CNTNAP2: variants seen among roughly 807,000 people sequenced by gnomAD.
CNTNAP2 encodes the protein contactin associated protein 2, also known as contactin-associated protein-like 2.
A neutral mutation model predicts 155.2 loss-of-function variants in CNTNAP2; 98 were observed. The observed-to-expected ratio is 0.63, with a 90% confidence interval of 0.54 to 0.75. CNTNAP2 has a LOEUF of 0.75. Among genes scored for constraint, CNTNAP2 ranks in the 30% least tolerant of loss-of-function variants. The probability of loss-of-function intolerance (pLI) is 0.00; values close to 1 mark genes in which losing one functional copy is unlikely to be tolerated. For missense variants in CNTNAP2, 1,727 were observed against 1,688.1 expected, an observed-to-expected ratio of 1.02 and a Z score of -0.40; for synonymous variants, 651 against 631.2, an observed-to-expected ratio of 1.03 and a Z score of -0.47.
At chr7:147,739,689 G>T (rs373470375) in intron 13 of CNTNAP2, among the ~76,000 whole-genome samples, 35 of 152,050 alleles carry the variant, frequency 2.3e-4, no homozygotes, top group African/African-American at 8.0e-4. Flanking sequence ...TGTGGATAGT[G>T]TGTGTTCCTA....
chr7:146,582,234 A>G (rs1237638506), intron 1 of CNTNAP2, among the ~76,000 whole-genome samples: 3 of 152,094 alleles, frequency 2.0e-5, no homozygotes, highest in Non-Finnish European at 4.4e-5. Context: ...CTTTGAGATT[A>G]TATTTTCACA....
chr7:147,775,380 TA>T lies in CNTNAP2; in HGVS notation c.2099-128184del, dbSNP rs1797566739. On this transcript the variant is annotated intron_variant, in intron 13 of 23. Transcript: ENST00000361727. Reference sequence around the variant, plus strand: ...ATATTTATAAATATATATATATTTATATATATTTATAAATATATATATTTAT... The same window carrying T: ...ATATTTATAAATATATATATATTTATTATATTTATAAATATATATATTTAT... Among the ~76,000 whole-genome samples the T allele has an allele frequency of 2.0e-5, 2 of 100,994 alleles. 1 individual carries two copies. The highest frequency in any genetic ancestry group is 8.6e-5 in the African/African-American group (2 of 23,216). 66.3% of individuals were successfully genotyped at this position (100,994 alleles called of 152,430 possible).
At chr7:147,511,970 C>T (rs889728934) in intron 11 of CNTNAP2, among the ~76,000 whole-genome samples, 12 of 152,152 alleles carry the variant, frequency 7.9e-5, no homozygotes, top group African/African-American at 2.9e-4. Context: ...GTTTTTATCA[C>T]ACTCAGTGGC....
chr7:146,164,822 T>G (rs1024463986), intron 1 of CNTNAP2, among the ~76,000 whole-genome samples: 8 of 152,176 alleles, frequency 5.3e-5, no homozygotes, highest in African/African-American at 1.7e-4. Context: ...AAAGACAATT[T>G]GTGTTTAGAT....
chr7:146,187,395 G>A (rs1368286424), intron 1 of CNTNAP2, among the ~76,000 whole-genome samples: 1 of 152,126 alleles, frequency 6.6e-6, no homozygotes, highest in Non-Finnish European at 1.5e-5. Context: ...ACTGAGAGCC[G>A]AAGAAGAGAA....
intron 3 of CNTNAP2, among the ~76,000 whole-genome samples, chr7:146,977,725 A>G (rs1285127531): frequency 6.6e-6 from 1 of 152,200 alleles, no homozygotes; most frequent in African/African-American, 2.4e-5. Flanking sequence ...TTTTAAATTT[A>G]TGTATGTATT....
chr7:147,255,275 G>A (rs1377285470), intron 8 of CNTNAP2, among the ~76,000 whole-genome samples: 1 of 152,086 alleles, frequency 6.6e-6, no homozygotes, highest in Non-Finnish European at 1.5e-5. Flanking sequence ...AGGCTGAAGT[G>A]CAGTAGTGGA....
intron 13 of CNTNAP2, among the ~76,000 whole-genome samples, chr7:147,713,485 C>T (rs1796433632): frequency 1.3e-5 from 2 of 152,020 alleles, no homozygotes; most frequent in Non-Finnish European, 2.9e-5. Context: ...GTAGTACATT[C>T]CTTTGTATTT....
At chr7:146,731,452 T>C (rs1801524498) in intron 1 of CNTNAP2, among the ~76,000 whole-genome samples, 1 of 152,112 alleles carries the variant, frequency 6.6e-6, no homozygotes, top group Admixed American at 6.5e-5. Flanking sequence ...GTTTTTTATT[T>C]CCATCAAGTT....
At chr7:147,363,525 C>T (rs1353590961) in intron 9 of CNTNAP2, among the ~76,000 whole-genome samples, 3 of 152,116 alleles carry the variant, frequency 2.0e-5, no homozygotes, top group Non-Finnish European at 2.9e-5. Context: ...TTTTCTTGTA[C>T]ACATTCTTTT....
intron 1 of CNTNAP2, among the ~76,000 whole-genome samples, chr7:146,267,492 C>T (rs1800014744): frequency 6.6e-6 from 1 of 152,094 alleles, no homozygotes; most frequent in South Asian, 2.1e-4. Context: ...GTGTCCCCAA[C>T]ATTTATATCT....
chr7:146,346,110 C>T (rs933789319), intron 1 of CNTNAP2, among the ~76,000 whole-genome samples: 14 of 152,092 alleles, frequency 9.2e-5, no homozygotes, highest in African/African-American at 2.7e-4. Context: ...ATAGTAAAAA[C>T]GATAAAGAAC....
At chr7:146,372,681 A>G (rs2129102984) in intron 1 of CNTNAP2, among the ~76,000 whole-genome samples, 1 of 152,270 alleles carries the variant, frequency 6.6e-6, no homozygotes, top group East Asian at 1.9e-4. Context: ...CTAAATGAAG[A>G]CCAGGAGTGA....
intron 17 of CNTNAP2, among the ~76,000 whole-genome samples, chr7:148,160,039 G>A (rs1805488834): frequency 6.6e-6 from 1 of 152,100 alleles, no homozygotes; most frequent in Non-Finnish European, 1.5e-5. Flanking sequence ...AGGAGTTCAG[G>A]ACCAGCCCGG....
chr7:148,343,824 C>G (rs541633809), intron 21 of CNTNAP2, among the ~76,000 whole-genome samples: 1 of 152,142 alleles, frequency 6.6e-6, no homozygotes, highest in Non-Finnish European at 1.5e-5. Context: ...AACATGAGTT[C>G]CCCGGAATCA....
intron 13 of CNTNAP2, among the ~76,000 whole-genome samples, chr7:147,683,513 A>G (rs1395320607): frequency 6.6e-6 from 1 of 151,840 alleles, no homozygotes; most frequent in African/African-American, 2.4e-5. Flanking sequence ...ACTTTAATCA[A>G]TATTTCATTA....
intron 2 of CNTNAP2, among the ~76,000 whole-genome samples, chr7:146,790,045 C>A (rs1261364184): frequency 6.6e-6 from 1 of 151,964 alleles, no homozygotes; most frequent in Non-Finnish European, 1.5e-5. Context: ...TTTTGCCTTT[C>A]ATTTTGTTGT....
intron 1 of CNTNAP2, among the ~76,000 whole-genome samples, chr7:146,252,789 G>T (rs1419645457): frequency 6.6e-6 from 1 of 152,148 alleles, no homozygotes; most frequent in East Asian, 1.9e-4. Context: ...CCATAACAAA[G>T]TGTCAACGGG....
At chr7:148,309,629 A>G (rs1335575928) in intron 21 of CNTNAP2, among the ~76,000 whole-genome samples, 1 of 152,116 alleles carries the variant, frequency 6.6e-6, no homozygotes, top group Non-Finnish European at 1.5e-5. Context: ...CAGGGTGCTC[A>G]GTAGGGGAGC....
Sources: gnomAD v4.1 joint callset for allele counts (sites outside exome capture counted in the v4.1 genomes callset) on GRCh38, gnomAD v4.1.1 for gene constraint, MANE v1.5 for transcripts, NCBI Gene and HGNC (gene_info 2026-07-23, HGNC 2026-07-21) for gene names.